The following CDH18 variants were observed in gnomAD, a reference collection of about 807,000 sequenced individuals.
The protein encoded by CDH18 is cadherin-18.
In CDH18, 31 loss-of-function variants were observed where a neutral mutation model predicts 67.9. The ratio of observed to expected loss-of-function variants is 0.46; its 90% CI spans 0.34 to 0.62. The LOEUF is 0.62. Among genes scored for constraint, CDH18 ranks in the 20% least tolerant of loss-of-function variants. The probability of loss-of-function intolerance (pLI) is 0.01; values close to 1 mark genes in which losing one functional copy is unlikely to be tolerated. For synonymous variants in CDH18, 362 were observed against 347.2 expected (o/e 1.04, Z -0.48); for missense variants, 890 against 975.5 (o/e 0.91, Z 1.17).
intron 2 of CDH18, among the ~76,000 whole-genome samples, chr5:20,132,002 C>T (rs571251011): frequency 5.9e-5 from 9 of 152,224 alleles, no homozygotes; most frequent in African/African-American, 2.2e-4. Flanking sequence ...TTTCTGCTGC[C>T]TCAGCTTCCC....
intron 2 of CDH18, among the ~76,000 whole-genome samples, chr5:20,242,250 C>T (rs1742984006): frequency 6.6e-6 from 1 of 151,778 alleles, no homozygotes; most frequent in Non-Finnish European, 1.5e-5. Context: ...GGATAATAAA[C>T]AAACTTATCA....
intron 2 of CDH18, among the ~76,000 whole-genome samples, chr5:19,966,891 C>A (rs1488993450): frequency 6.6e-6 from 1 of 151,616 alleles, no homozygotes. Flanking sequence ...GGCTACATAA[C>A]AAAAATTACA....
intron 10 of CDH18, among the ~76,000 whole-genome samples, chr5:19,508,180 C>G (rs1211549297): frequency 6.6e-6 from 1 of 151,962 alleles, no homozygotes; most frequent in Non-Finnish European, 1.5e-5. Flanking sequence ...ATCACCTTGT[C>G]TCTTTCATCA....
At chr5:19,746,608 G>A (rs1770028090) in intron 4 of CDH18, among the ~76,000 whole-genome samples, 1 of 152,080 alleles carries the variant, frequency 6.6e-6, no homozygotes, top group African/African-American at 2.4e-5. Context: ...GTGCTGGTAT[G>A]TTCTTAACAA....
intron 2 of CDH18, among the ~76,000 whole-genome samples, chr5:19,964,647 C>CAAAAAAAAA (rs10719096): frequency 2.6e-5 from 2 of 77,238 alleles, no homozygotes; most frequent in African/African-American, 6.7e-5. Flanking sequence ...GGCCCTGTAT[C>CAAAAAAAAA]AAAAAAAAAA....
At chr5:20,402,699 TGCAAAGG>T (rs1430466872) in intron 1 of CDH18, among the ~76,000 whole-genome samples, 1 of 152,154 alleles carries the variant, frequency 6.6e-6, no homozygotes, top group African/African-American at 2.4e-5. Flanking sequence ...ATCTTTTCGC[TGCAAAGG>T]GCCTTGCCTT....
intron 8 of CDH18, among the ~76,000 whole-genome samples, chr5:19,563,389 T>A (rs1739793878): frequency 6.6e-6 from 1 of 152,148 alleles, no homozygotes; most frequent in South Asian, 2.1e-4. Flanking sequence ...GTTTATGGAA[T>A]GATATATAAG....
chr5:19,977,409 T>C (rs377737556), intron 2 of CDH18, among the ~76,000 whole-genome samples: 9 of 152,150 alleles, frequency 5.9e-5, no homozygotes, highest in African/African-American at 1.4e-4. Context: ...TGAGGCACTC[T>C]GATAAAGAAT....
chr5:20,238,608 G>A (rs2126535000), intron 2 of CDH18, among the ~76,000 whole-genome samples: 1 of 152,238 alleles, frequency 6.6e-6, no homozygotes, highest in South Asian at 2.1e-4. Flanking sequence ...CACTGGTGGA[G>A]ATGTAAAATG....
At chr5:20,164,928 C>T (rs1042795903) in intron 2 of CDH18, among the ~76,000 whole-genome samples, 1 of 152,098 alleles carries the variant, frequency 6.6e-6, no homozygotes, top group African/African-American at 2.4e-5. Context: ...TTTGCAGGTG[C>T]CTTTTTACTT....
At chr5:20,569,338 C>G (rs1758680597) in intron 1 of CDH18, among the ~76,000 whole-genome samples, 1 of 152,126 alleles carries the variant, frequency 6.6e-6, no homozygotes, top group Non-Finnish European at 1.5e-5. Context: ...AATAAACATG[C>G]TCGGCCAGGC....
At chr5:20,259,062 A>C (rs763514430) in intron 1 of CDH18, among the ~76,000 whole-genome samples, 1 of 152,198 alleles carries the variant, frequency 6.6e-6, no homozygotes, top group East Asian at 1.9e-4. Context: ...CTGCTGCAAC[A>C]AACGCCTAAA....
chr5:19,591,239 A>G lies in CDH18; in HGVS notation c.817T>C (p.Tyr273His), dbSNP rs2150026538. 1.3e-6 allele frequency: 2 copies of G among 1,592,910 alleles called. No homozygotes were observed. Among genetic ancestry groups the G allele is most frequent in the Non-Finnish European group, 1.7e-6 (2 of 1,170,612 alleles). The change falls in exon 7 of 13, where the codon TAT becomes CAT. Residue 273 changes from tyrosine (Y) to histidine (H), a missense_variant. Physicochemically the swap from Tyr to His is moderately conservative, Grantham distance 83. Around this residue, in one of 2 missense-constraint regions of CDH18, gnomAD observed 656 missense variants for 668.1 expected, o/e 0.98. Transcript: ENST00000382275. ...GCTGACTCAGGAACATATAGCTGATAGTGTTCTGGAAGACATTTCATATTA... is the reference window on the plus strand; with the variant it reads ...GCTGACTCAGGAACATATAGCTGATGGTGTTCTGGAAGACATTTCATATTA... ...DNPPRFPQKH[Y>H]QLYVPESAQV...
intron 1 of CDH18, among the ~76,000 whole-genome samples, chr5:20,337,331 C>A (rs963953995): frequency 6.6e-6 from 1 of 152,206 alleles, no homozygotes; most frequent in African/African-American, 2.4e-5. Context: ...ATTTTCCAAA[C>A]TTTTATGCTC....
chr5:20,107,895 C>T (rs1358358154), intron 2 of CDH18, among the ~76,000 whole-genome samples: 3 of 149,798 alleles, frequency 2.0e-5, no homozygotes, highest in African/African-American at 7.4e-5. Flanking sequence ...AGGTATATCC[C>T]CTAATGCTAT....
intron 1 of CDH18, among the ~76,000 whole-genome samples, chr5:20,441,111 G>A (rs997053013): frequency 2.6e-5 from 4 of 151,436 alleles, no homozygotes; most frequent in Non-Finnish European, 4.4e-5. Context: ...AATAGGGGCC[G>A]CCCAAGAACA....
chr5:20,460,615 A>G (rs1443781063), intron 1 of CDH18, among the ~76,000 whole-genome samples: 1 of 152,056 alleles, frequency 6.6e-6, no homozygotes, highest in Non-Finnish European at 1.5e-5. Context: ...TCATCTTTGA[A>G]CAGTGAAACC....
At chr5:20,471,375 T>C (rs2457037) in intron 1 of CDH18, among the ~76,000 whole-genome samples, 152,236 of 152,274 alleles carry the variant, frequency 1, 76,099 homozygotes, top group Non-Finnish European at 1. Flanking sequence ...TCATCCACAC[T>C]ATCCACTTCA....
At chr5:19,832,056 G>T (rs1581551557) in intron 3 of CDH18, among the ~76,000 whole-genome samples, 2 of 152,170 alleles carry the variant, frequency 1.3e-5, no homozygotes. Flanking sequence ...TGAACACAAG[G>T]TATTCATGGA....
Sources: allele counts gnomAD v4.1 joint callset (sites outside exome capture counted in the v4.1 genomes callset), GRCh38; gene constraint gnomAD v4.1.1; regional missense constraint gnomAD v4.1.1; transcripts MANE v1.5; gene names NCBI Gene and HGNC (gene_info 2026-07-23, HGNC 2026-07-21).